H2AC20: variants seen among roughly 807,000 people sequenced by gnomAD.
H2AC20 encodes H2A clustered histone 20, also known as histone H2A type 2-C.
H2AC20 carries 7 observed loss-of-function variants against 7.1 expected under a neutral mutation model. The observed-to-expected ratio is 0.99, with a 90% CI of 0.56 to 1.85. The LOEUF (loss-of-function observed/expected upper bound fraction) is 1.85. H2AC20 is among the 40% of genes most tolerant of loss of function. The pLI, the probability that H2AC20 is intolerant of heterozygous loss-of-function variation, is 0.00. For missense variants in H2AC20, 127 were observed against 179.6 expected, an observed-to-expected ratio of 0.71 and a Z score of 1.67; for synonymous variants, 97 against 82.2, an observed-to-expected ratio of 1.18 and a Z score of -0.98.
chr1:149,886,943 A>G lies in H2AC20; in HGVS notation c.-32A>G. On this transcript the variant is annotated 5_prime_UTR_variant, in exon 1 of 1. Coordinates refer to ENST00000331380, the MANE Select transcript of H2AC20 (RefSeq NM_003517.3). ...AATCTTATTTTGTTGCGAGGTTCTG[A>G]GCGTTGTCTGTGTTTAACCTTGATT... 1.2e-6 allele frequency: 2 copies of G among 1,613,970 alleles called. No individual in the cohort carries two copies. Among genetic ancestry groups the G allele is most frequent in the South Asian group, 1.1e-5 (1 of 91,070 alleles).
rs1274383100 is a variant in H2AC20, at chr1:149,887,379, A to C, written c.*15A>C. ...AAAGCAAATAAATGCAGACAAACAA[A>C]CCAAGACCAAAGGCTCTTTTTAGAG... On this transcript the variant is annotated 3_prime_UTR_variant, in exon 1 of 1. Transcript: ENST00000331380. 1.2e-6 allele frequency: 2 copies of C among 1,603,026 alleles called. No individual in the cohort carries two copies. The highest frequency in any genetic ancestry group is 1.7e-5 in the Admixed American group (1 of 57,592).
chr1:149,886,947 T>C lies in H2AC20; in HGVS notation c.-28T>C. On this transcript the variant is annotated 5_prime_UTR_variant, in exon 1 of 1. Coordinates refer to ENST00000331380, the MANE Select transcript of H2AC20 (RefSeq NM_003517.3). ...TTATTTTGTTGCGAGGTTCTGAGCG[T>C]TGTCTGTGTTTAACCTTGATTTCAG... 6.2e-7 allele frequency: 1 copy of C among 1,614,080 alleles called. No homozygotes were observed. Among genetic ancestry groups the C allele is most frequent in the Non-Finnish European group, 8.5e-7 (1 of 1,179,980 alleles).
At position 149,887,164 on chromosome 1, in the gene H2AC20, C is replaced by T; in HGVS notation, c.190C>T (p.Leu64=). The change falls in exon 1 of 1, where the codon CTG becomes TTG. Residue 64 remains leucine (L), a synonymous_variant. Coordinates refer to ENST00000331380, the MANE Select transcript of H2AC20 (RefSeq NM_003517.3). ...CCTCGAGTACCTGACCGCCGAGATC[C>T]TGGAGCTGGCGGGCAACGCGGCTCG... ...AVLEYLTAEI[L]ELAGNAARDN... 1 of 1,614,144 alleles carries T rather than the reference C, an allele frequency of 6.2e-7. No homozygotes were observed. The highest frequency in any genetic ancestry group is 1.3e-5 in the African/African-American group (1 of 75,038).
chr1:149,887,390 A>T lies in H2AC20; in HGVS notation c.*26A>T, dbSNP rs781989889. The T allele has an allele frequency of 1.1e-5, 18 of 1,595,592 alleles. No homozygotes were observed. Among genetic ancestry groups the T allele is most frequent in the Non-Finnish European group, 1.5e-5 (17 of 1,171,688 alleles). On this transcript the variant is annotated 3_prime_UTR_variant, in exon 1 of 1. Coordinates refer to ENST00000331380, the MANE Select transcript of H2AC20 (RefSeq NM_003517.3). ...ATGCAGACAAACAAACCAAGACCAA[A>T]GGCTCTTTTTAGAGCCACCCAAGTT... is the stretch of plus-strand genomic sequence containing the variant.
chr1:149,887,345 A>C lies in H2AC20; in HGVS notation c.371A>C (p.His124Pro), dbSNP rs1553759961. Residue 124 changes from histidine to proline, a missense_variant, in exon 1 of 1, where the codon CAC becomes CCC. Transcript: ENST00000331380. ...AVLLPKKTES[H>P]KAKSK ...CTGTTACCAAAGAAAACCGAAAGCC[A>C]CAAAGCCAAAAGCAAATAAATGCAG... 1 of 1,613,532 alleles carries C rather than the reference A, an allele frequency of 6.2e-7. No individual in the cohort carries two copies. Among genetic ancestry groups the C allele is most frequent in the Non-Finnish European group, 8.5e-7 (1 of 1,179,676 alleles).
At position 149,887,400 on chromosome 1, in the gene H2AC20, T is replaced by G. The variant is rs747386525; in HGVS notation, c.*36T>G. 4 of 1,585,674 alleles carry G rather than the reference T, an allele frequency of 2.5e-6. No homozygotes were observed. In the South Asian group the frequency reaches 3.4e-5, roughly 14 times the overall value. On this transcript the variant is annotated 3_prime_UTR_variant, in exon 1 of 1. Coordinates refer to ENST00000331380, the MANE Select transcript of H2AC20 (RefSeq NM_003517.3). ...ACAAACCAAGACCAAAGGCTCTTTT[T>G]AGAGCCACCCAAGTTTTCAAAAAAA...
chr1:149,887,031 G>A lies in H2AC20; in HGVS notation c.57G>A (p.Ser19=), dbSNP rs1025523015. The change falls in exon 1 of 1, where the codon TCG becomes TCA. Residue 19 remains serine (S), a synonymous_variant. Transcript: ENST00000331380. The part of the protein sequence containing the change: ...GKARAKAKSR[S]SRAGLQFPVG... ...CCCGCGCCAAGGCCAAGTCGCGCTC[G>A]TCCCGCGCTGGCCTCCAGTTCCCGG... 1 of 1,614,218 alleles carries A rather than the reference G, an allele frequency of 6.2e-7. No homozygotes were observed. Among genetic ancestry groups the A allele is most frequent in the East Asian group, 2.2e-5 (1 of 44,890 alleles).
Position 149,887,390 on chromosome 1 carries a change from AGGCTCTTTTTAGAGCCAC to A in H2AC20, c.*27_*44del, listed in dbSNP as rs2092311979. 6.3e-7 allele frequency: 1 copy of A among 1,595,474 alleles called. No homozygotes were observed. The highest frequency in any genetic ancestry group is 8.5e-7 in the Non-Finnish European group (1 of 1,171,696). On this transcript the variant is annotated 3_prime_UTR_variant, in exon 1 of 1. Coordinates refer to ENST00000331380, the MANE Select transcript of H2AC20 (RefSeq NM_003517.3). ...ATGCAGACAAACAAACCAAGACCAA[AGGCTCTTTTTAGAGCCAC>A]CCAAGTTTTCAAAAAAAGAGCTAAT...
rs782261058 is a variant in H2AC20, at chr1:149,886,955, G to T, written c.-20G>T. The T allele has an allele frequency of 6.2e-7, 1 of 1,614,134 alleles. No homozygotes were observed. The highest frequency in any genetic ancestry group is 1.1e-5 in the South Asian group (1 of 91,078). On this transcript the variant is annotated 5_prime_UTR_variant, in exon 1 of 1. Coordinates refer to ENST00000331380, the MANE Select transcript of H2AC20 (RefSeq NM_003517.3). ...TTGCGAGGTTCTGAGCGTTGTCTGT[G>T]TTTAACCTTGATTTCAGTCATGTCT...
At position 149,887,406 on chromosome 1, in the gene H2AC20, C is replaced by T. The variant is rs587683414; in HGVS notation, c.*42C>T. The T allele has an allele frequency of 3.2e-6, 5 of 1,576,930 alleles. No individual in the cohort carries two copies. The East Asian group carries it at 6.7e-5, about 21-fold the overall frequency. On this transcript the variant is annotated 3_prime_UTR_variant, in exon 1 of 1. Transcript: ENST00000331380. ...CAAGACCAAAGGCTCTTTTTAGAGC[C>T]ACCCAAGTTTTCAAAAAAAGAGCTA...
In H2AC20 at chr1:149,886,943, A is replaced by T. The variant is rs781815953; in HGVS notation, c.-32A>T. 3 of 1,613,970 alleles carry T rather than the reference A, an allele frequency of 1.9e-6. No individual in the cohort carries two copies. In the African/African-American group the frequency reaches 4.0e-5, roughly 22 times the overall value. ...AATCTTATTTTGTTGCGAGGTTCTG[A>T]GCGTTGTCTGTGTTTAACCTTGATT... On this transcript the variant is annotated 5_prime_UTR_variant, in exon 1 of 1. Transcript: ENST00000331380.
chr1:149,886,949 G>A lies in H2AC20; in HGVS notation c.-26G>A. The A allele has an allele frequency of 6.2e-7, 1 of 1,614,094 alleles. No individual in the cohort carries two copies. The highest frequency in any genetic ancestry group is 1.6e-4 in the Middle Eastern group (1 of 6,062). On this transcript the variant is annotated 5_prime_UTR_variant, in exon 1 of 1. Coordinates refer to ENST00000331380, the MANE Select transcript of H2AC20 (RefSeq NM_003517.3). ...ATTTTGTTGCGAGGTTCTGAGCGTT[G>A]TCTGTGTTTAACCTTGATTTCAGTC...
At position 149,887,387 on chromosome 1, in the gene H2AC20, CA is replaced by C. The variant is rs782539059; in HGVS notation, c.*26del. 6.3e-7 allele frequency: 1 copy of C among 1,596,596 alleles called. No homozygotes were observed. The highest frequency in any genetic ancestry group is 2.2e-5 in the East Asian group (1 of 44,730). ...TAAATGCAGACAAACAAACCAAGAC[CA>C]AAGGCTCTTTTTAGAGCCACCCAAG... On this transcript the variant is annotated 3_prime_UTR_variant, in exon 1 of 1. Transcript: ENST00000331380.
Position 149,887,370 on chromosome 1 carries a change from G to C in H2AC20, c.*6G>C, listed in dbSNP as rs190206062. ...ACAAAGCCAAAAGCAAATAAATGCAGACAAACAAACCAAGACCAAAGGCTC... is the reference window on the plus strand; with the variant it reads ...ACAAAGCCAAAAGCAAATAAATGCACACAAACAAACCAAGACCAAAGGCTC... On this transcript the variant is annotated 3_prime_UTR_variant, in exon 1 of 1. Transcript: ENST00000331380. 929 of 1,609,838 alleles carry C rather than the reference G, an allele frequency of 5.8e-4. No homozygotes were observed. The highest frequency in any genetic ancestry group is 8.1e-4 in the Admixed American group (48 of 59,230).
Position 149,887,378 on chromosome 1 carries a change from A to C in H2AC20, c.*14A>C, listed in dbSNP as rs1553759982. The C allele has an allele frequency of 6.2e-7, 1 of 1,603,246 alleles. No homozygotes were observed. Among genetic ancestry groups the C allele is most frequent in the Non-Finnish European group, 8.5e-7 (1 of 1,175,060 alleles). ...AAAAGCAAATAAATGCAGACAAACA[A>C]ACCAAGACCAAAGGCTCTTTTTAGA... On this transcript the variant is annotated 3_prime_UTR_variant, in exon 1 of 1. Coordinates refer to ENST00000331380, the MANE Select transcript of H2AC20 (RefSeq NM_003517.3).
In H2AC20 at chr1:149,886,936, G is replaced by A. The variant is rs149251471; in HGVS notation, c.-39G>A. On this transcript the variant is annotated 5_prime_UTR_variant, in exon 1 of 1. Transcript: ENST00000331380. ...CTCTTTCAATCTTATTTTGTTGCGA[G>A]GTTCTGAGCGTTGTCTGTGTTTAAC... The A allele has an allele frequency of 2.4e-5, 39 of 1,613,642 alleles. No individual in the cohort carries two copies. The African/African-American group carries it at 2.7e-4, about 11-fold the overall frequency.
In H2AC20 at chr1:149,886,966, A is replaced by T; in HGVS notation, c.-9A>T. Reference sequence around the variant, plus strand: ...TGAGCGTTGTCTGTGTTTAACCTTGATTTCAGTCATGTCTGGTCGTGGCAA... The same window carrying T: ...TGAGCGTTGTCTGTGTTTAACCTTGTTTTCAGTCATGTCTGGTCGTGGCAA... On this transcript the variant is annotated 5_prime_UTR_variant, in exon 1 of 1. Transcript: ENST00000331380. 2 of 1,614,134 alleles carry T rather than the reference A, an allele frequency of 1.2e-6. No homozygotes were observed. Among genetic ancestry groups the T allele is most frequent in the Non-Finnish European group, 8.5e-7 (1 of 1,179,998 alleles).
Position 149,887,336 on chromosome 1 carries a change from C to G in H2AC20, c.362C>G (p.Thr121Ser). Residue 121 changes from threonine to serine, a missense_variant, in exon 1 of 1, where the codon ACC becomes AGC. Transcript: ENST00000331380. ...CAGGCCGTTCTGTTACCAAAGAAAA[C>G]CGAAAGCCACAAAGCCAAAAGCAAA... ...NIQAVLLPKK[T>S]ESHKAKSK The G allele has an allele frequency of 6.2e-7, 1 of 1,613,808 alleles. No homozygotes were observed.
chr1:149,887,062 C>T lies in H2AC20; in HGVS notation c.88C>T (p.Arg30Ter), dbSNP rs2092305636. 6.2e-7 allele frequency: 1 copy of T among 1,614,096 alleles called. No individual in the cohort carries two copies. The highest frequency in any genetic ancestry group is 8.5e-7 in the Non-Finnish European group (1 of 1,179,982). ...CGCTGGCCTCCAGTTCCCGGTAGGG[C>T]GAGTGCACCGCTTGCTGCGCAAAGG... is the stretch of plus-strand genomic sequence containing the variant. ...SRAGLQFPVG[R>*]VHRLLRKGNY... The change falls in exon 1 of 1, where the codon CGA becomes TGA. Residue 30 changes from arginine to a stop codon, truncating the protein, a stop_gained. Transcript: ENST00000331380. LOFTEE classifies it high-confidence loss of function.
Sources: gnomAD v4.1 joint callset for allele counts on GRCh38, gnomAD v4.1.1 for gene constraint, MANE v1.5 for transcripts, NCBI Gene and HGNC (gene_info 2026-07-23, HGNC 2026-07-21) for gene names.